The following ARHGAP22 variants were observed in gnomAD, a reference collection of about 807,000 sequenced individuals.
The protein encoded by ARHGAP22 is Rho GTPase activating protein 22, also known as rho GTPase-activating protein 22.
ARHGAP22 carries 48 observed loss-of-function variants against 59.1 expected under a neutral mutation model. The ratio of observed to expected loss-of-function variants is 0.81; its 90% CI spans 0.64 to 1.03. The LOEUF is 1.03. Ranked by LOEUF, ARHGAP22 falls within the 50% of genes least tolerant of loss-of-function variation. ARHGAP22 has a pLI of 0.00. For synonymous variants in ARHGAP22, 445 were observed against 416.4 expected (o/e 1.07, Z -0.84); for missense variants, 1,015 against 958.7 (o/e 1.06, Z -0.78).
At chr10:48,586,853 C>A (rs1389101902) in intron 1 of ARHGAP22, among the ~76,000 whole-genome samples, 2 of 152,206 alleles carry the variant, frequency 1.3e-5, no homozygotes, top group African/African-American at 2.4e-5. Context: ...AGCACTGAGT[C>A]AAACTCAGTG....
chr10:48,520,281 A>C (rs2053686076), intron 3 of ARHGAP22, among the ~76,000 whole-genome samples: 1 of 152,208 alleles, frequency 6.6e-6, no homozygotes, highest in African/African-American at 2.4e-5. Context: ...GAAGGTGAAC[A>C]AACTTATAGC....
intron 4 of ARHGAP22, among the ~76,000 whole-genome samples, chr10:48,466,233 G>A (rs2047658503): frequency 6.8e-6 from 1 of 147,306 alleles, no homozygotes; most frequent in South Asian, 2.2e-4. Context: ...CCCCTCCGTA[G>A]TTCGGGGTGG....
downstream of ARHGAP22, chr10:48,444,090 A>C (rs1277048317): frequency 6.6e-6 from 1 of 152,208 alleles, no homozygotes; most frequent in Admixed American, 6.5e-5. Context: ...ATCCATGCTT[A>C]ATTTGACAAT....
intron 3 of ARHGAP22, among the ~76,000 whole-genome samples, chr10:48,497,421 T>C (rs147856353): frequency 9.8e-4 from 150 of 152,288 alleles, no homozygotes; most frequent in African/African-American, 3.4e-3. Context: ...CTCACTTCTA[T>C]GTTTCCAGAA....
chr10:48,521,905 C>A (rs2053839696), intron 3 of ARHGAP22, among the ~76,000 whole-genome samples: 1 of 152,260 alleles, frequency 6.6e-6, no homozygotes, highest in Non-Finnish European at 1.5e-5. Context: ...GCTCTGTTTG[C>A]TGTGAAAAAT....
intron 1 of ARHGAP22, among the ~76,000 whole-genome samples, chr10:48,598,266 G>A (rs567503092): frequency 5.3e-5 from 8 of 152,298 alleles, no homozygotes; most frequent in Non-Finnish European, 8.8e-5. Flanking sequence ...AGTTTGCAGC[G>A]CCCCTCTTCT....
chr10:48,572,776 C>T (rs1024265816), intron 2 of ARHGAP22, among the ~76,000 whole-genome samples: 12 of 152,196 alleles, frequency 7.9e-5, no homozygotes, highest in South Asian at 4.2e-4. Context: ...CAATGCTTTA[C>T]GAAAAATAAG....
the ARHGAP22 span, chr10:48,439,411 T>G: frequency 1.3e-5 from 2 of 151,886 alleles, no homozygotes; most frequent in Non-Finnish European, 2.9e-5. Context: ...AAGTTTTTCT[T>G]GGCAATTTTA....
intron 3 of ARHGAP22, among the ~76,000 whole-genome samples, chr10:48,498,100 C>T (rs535622138): frequency 9.9e-5 from 15 of 152,260 alleles, no homozygotes; most frequent in South Asian, 4.1e-4. Context: ...AGGCTCCCTG[C>T]GGGTAACATC....
chr10:48,631,999 G>A (rs888677955), intron 1 of ARHGAP22, among the ~76,000 whole-genome samples: 2 of 151,870 alleles, frequency 1.3e-5, no homozygotes, highest in Non-Finnish European at 2.9e-5. Flanking sequence ...ATACTTTTGG[G>A]GTACAGGTGG....
chr10:48,474,830 T>C (rs553302043), intron 4 of ARHGAP22, among the ~76,000 whole-genome samples: 73 of 152,334 alleles, frequency 4.8e-4, no homozygotes, highest in African/African-American at 1.7e-3. Flanking sequence ...TGGCGTATAA[T>C]TCTTTGGATT....
intron 3 of ARHGAP22, among the ~76,000 whole-genome samples, chr10:48,522,032 T>C (rs2053851476): frequency 6.6e-6 from 1 of 152,258 alleles, no homozygotes; most frequent in Non-Finnish European, 1.5e-5. Flanking sequence ...CCAGCCAGAC[T>C]GGCCACATGG....
chr10:48,506,975 C>T (rs2052204999), intron 3 of ARHGAP22, among the ~76,000 whole-genome samples: 1 of 152,176 alleles, frequency 6.6e-6, no homozygotes, highest in African/African-American at 2.4e-5. Flanking sequence ...GGGAGCAAAA[C>T]CTGAACTCCT....
chr10:48,491,691 T>C (rs2050405520), intron 3 of ARHGAP22, among the ~76,000 whole-genome samples: 1 of 152,362 alleles, frequency 6.6e-6, no homozygotes, highest in Middle Eastern at 3.4e-3. Context: ...CGTGAAACCC[T>C]CGCGTAAGGC....
chr10:48,542,472 G>A (rs1040424447), intron 3 of ARHGAP22, among the ~76,000 whole-genome samples: 3 of 152,224 alleles, frequency 2.0e-5, no homozygotes, highest in African/African-American at 7.2e-5. Flanking sequence ...GAGGGCTGGG[G>A]CCCTTCTGCA....
intron 1 of ARHGAP22, among the ~76,000 whole-genome samples, chr10:48,641,045 A>G (rs1001795794): frequency 6.6e-6 from 1 of 152,188 alleles, no homozygotes; most frequent in Non-Finnish European, 1.5e-5. Flanking sequence ...AATCTGAAGT[A>G]GATTAAGGTA....
chr10:48,591,164 A>T (rs1026833901), intron 1 of ARHGAP22, among the ~76,000 whole-genome samples: 1 of 152,212 alleles, frequency 6.6e-6, no homozygotes, highest in Non-Finnish European at 1.5e-5. Context: ...GAGGAGCGCC[A>T]GGCTAAGAGG....
At chr10:48,489,085 GCTTTTCTTTTTTCTTT>G (rs2050121280) in intron 3 of ARHGAP22, among the ~76,000 whole-genome samples, 1 of 152,172 alleles carries the variant, frequency 6.6e-6, no homozygotes, top group Non-Finnish European at 1.5e-5. Flanking sequence ...AATATTTTGT[GCTTTTCTTTTTTCTTT>G]CTTTTCTTTT....
intron 2 of ARHGAP22, among the ~76,000 whole-genome samples, chr10:48,566,588 C>T (rs11598598): frequency 0.36 from 55,046 of 152,144 alleles, 11,949 homozygotes; most frequent in Non-Finnish European, 0.48. Context: ...CAACAGATTC[C>T]GCAGTAACGC....
Sources: gnomAD v4.1 joint callset for allele counts (sites outside exome capture counted in the v4.1 genomes callset) on GRCh38, gnomAD v4.1.1 for gene constraint, MANE v1.5 for transcripts, NCBI Gene and HGNC (gene_info 2026-07-23, HGNC 2026-07-21) for gene names.